The following WDR27 variants were observed in gnomAD, a reference collection of about 807,000 sequenced individuals.
The protein encoded by WDR27 is WD repeat domain 27, also known as WD repeat-containing protein 27.
WDR27 carries 100 observed loss-of-function variants against 114.4 expected under a neutral mutation model. The ratio of observed to expected loss-of-function variants is 0.87; its 90% confidence interval spans 0.74 to 1.03. The LOEUF (loss-of-function observed/expected upper bound fraction) is 1.03. Ranked by LOEUF, WDR27 falls within the 50% of genes least tolerant of loss-of-function variation. The probability of loss-of-function intolerance (pLI) is 0.00; values close to 1 mark genes in which losing one functional copy is unlikely to be tolerated. For missense variants in WDR27, 1,129 were observed against 1,092.9 expected, an observed-to-expected ratio of 1.03 and a Z score of -0.47; for synonymous variants, 449 against 423.1, an observed-to-expected ratio of 1.06 and a Z score of -0.75.
downstream of WDR27, among the ~76,000 whole-genome samples, chr6:169,453,969 C>T (rs1466139046): frequency 6.6e-6 from 1 of 152,102 alleles, no homozygotes; most frequent in African/African-American, 2.4e-5. Context: ...TTTCATGAAC[C>T]ATCTCTTTTG....
intron 25 of WDR27, among the ~76,000 whole-genome samples, chr6:169,571,042 A>G (rs538461480): frequency 3.3e-5 from 5 of 152,326 alleles, no homozygotes; most frequent in African/African-American, 1.2e-4. Context: ...AGAAAGAAAT[A>G]GTGCAATCTT....
At chr6:169,613,486 G>T (rs1244552541) in intron 22 of WDR27, 73 bp downstream of exon 22, 5 of 1,242,988 alleles carry the variant, frequency 4.0e-6, no homozygotes, top group African/African-American at 1.5e-5. Flanking sequence ...ATCACATTCG[G>T]AAAAGAGATC....
chr6:169,535,048 G>A (rs953406033), intron 25 of WDR27, among the ~76,000 whole-genome samples: 1 of 151,942 alleles, frequency 6.6e-6, no homozygotes, highest in Non-Finnish European at 1.5e-5. Context: ...AGGCTACCAT[G>A]GCATAGTGCA....
chr6:169,466,534 C>T (rs1248307013), intron 25 of WDR27, among the ~76,000 whole-genome samples: 2 of 152,114 alleles, frequency 1.3e-5, no homozygotes, highest in African/African-American at 2.4e-5. Context: ...TAACTGCTCC[C>T]ACAATTCAAT....
chr6:169,484,964 C>T (rs1418056207), intron 25 of WDR27, among the ~76,000 whole-genome samples: 2 of 152,152 alleles, frequency 1.3e-5, no homozygotes, highest in African/African-American at 4.8e-5. Flanking sequence ...AAGTGGCTAG[C>T]TATATGCAGA....
chr6:169,532,467 A>C (rs1795711709), intron 25 of WDR27, among the ~76,000 whole-genome samples: 2 of 152,044 alleles, frequency 1.3e-5, no homozygotes, highest in Non-Finnish European at 1.5e-5. Context: ...TTGAGTAGAA[A>C]ATTTTTTTTT....
intron 17 of WDR27, among the ~76,000 whole-genome samples, chr6:169,640,286 A>C (rs1584810140): frequency 6.6e-6 from 1 of 152,332 alleles, no homozygotes; most frequent in East Asian, 1.9e-4. Flanking sequence ...AATGAACTGC[A>C]ATCTCACTAC....
chr6:169,482,554 A>G (rs1407468207), intron 25 of WDR27, among the ~76,000 whole-genome samples: 1 of 152,202 alleles, frequency 6.6e-6, no homozygotes, highest in Non-Finnish European at 1.5e-5. Flanking sequence ...GAGACCTTCA[A>G]AGAGATTTAG....
the WDR27 span, among the ~76,000 whole-genome samples, chr6:169,433,777 G>A: frequency 4.9e-4 from 74 of 152,204 alleles, no homozygotes; most frequent in African/African-American, 1.6e-3. Context: ...TTTAATGATC[G>A]CCATTCTAAC....
intron 14 of WDR27, among the ~76,000 whole-genome samples, chr6:169,650,141 TCC>T (rs752526853): frequency 5.2e-5 from 6 of 115,812 alleles, no homozygotes; most frequent in Non-Finnish European, 8.8e-5. Context: ...ATCTCTCAAC[TCC>T]GCCCCTCTCC....
chr6:169,634,238 C>T (rs1817120182), intron 20 of WDR27, among the ~76,000 whole-genome samples, 190 bp downstream of exon 20: 1 of 152,076 alleles, frequency 6.6e-6, no homozygotes, highest in African/African-American at 2.4e-5. Context: ...CCTCTGAGGC[C>T]CTTTCTCAAT....
At chr6:169,537,085 C>A (rs570399147) in intron 25 of WDR27, among the ~76,000 whole-genome samples, 2 of 152,232 alleles carry the variant, frequency 1.3e-5, no homozygotes, top group South Asian at 4.2e-4. Context: ...GCCTATTATC[C>A]TCATATAACA....
chr6:169,605,851 T>C (rs1360474208), intron 22 of WDR27, among the ~76,000 whole-genome samples: 2 of 152,012 alleles, frequency 1.3e-5, no homozygotes, highest in Non-Finnish European at 1.5e-5. Context: ...AAATCAACAA[T>C]GGGGAAAGGA....
At chr6:169,658,483 A>T (rs1584964881) in intron 12 of WDR27, 125 bp from the exon 13 acceptor site, 1 of 702,898 alleles carries the variant, frequency 1.4e-6, no homozygotes, top group East Asian at 2.8e-5. Context: ...ACATAACAGT[A>T]TCTGAAAATG....
At chr6:169,650,460 CATCT>C (rs1330505646) in intron 14 of WDR27, among the ~76,000 whole-genome samples, 2 of 149,630 alleles carry the variant, frequency 1.3e-5, no homozygotes, top group Non-Finnish European at 3.0e-5. Context: ...TCTTTCCCCT[CATCT>C]ATCCACCCAC....
intron 25 of WDR27, among the ~76,000 whole-genome samples, chr6:169,466,714 G>C (rs1785635735): frequency 6.6e-6 from 1 of 152,050 alleles, no homozygotes; most frequent in African/African-American, 2.4e-5. Context: ...GGATTATGAG[G>C]ATTACAATTT....
chr6:169,642,688 G>C (rs952412490), intron 17 of WDR27, among the ~76,000 whole-genome samples: 2 of 152,136 alleles, frequency 1.3e-5, no homozygotes, highest in African/African-American at 2.4e-5. Context: ...CTGGCCCTGG[G>C]TGTTAGCAAG....
intron 25 of WDR27, among the ~76,000 whole-genome samples, chr6:169,461,605 A>G (rs1259695454): frequency 2.6e-5 from 4 of 151,596 alleles, no homozygotes; most frequent in Non-Finnish European, 4.4e-5. Flanking sequence ...ACACAGCAAG[A>G]GCAATGTTAA....
intron 16 of WDR27, among the ~76,000 whole-genome samples, chr6:169,645,817 A>AGT (rs1313168864): frequency 6.7e-6 from 1 of 148,900 alleles, no homozygotes; most frequent in Non-Finnish European, 1.5e-5. Context: ...AGTTCACAGG[A>AGT]GTCACACTGT....
Sources: gnomAD v4.1 joint callset for allele counts (sites outside exome capture counted in the v4.1 genomes callset) on GRCh38, gnomAD v4.1.1 for gene constraint, MANE v1.5 for transcripts, NCBI Gene and HGNC (gene_info 2026-07-23, HGNC 2026-07-21) for gene names.